DNAAF9: variants seen among roughly 807,000 people sequenced by gnomAD.
The protein encoded by DNAAF9 is dynein axonemal assembly factor 9.
DNAAF9 carries 90 observed loss-of-function variants against 167.0 expected under a neutral mutation model. The ratio of observed to expected loss-of-function variants is 0.54; its 90% CI spans 0.45 to 0.64. The LOEUF is 0.64. Ranked by LOEUF, DNAAF9 falls within the 30% of genes least tolerant of loss-of-function variation. The pLI, the probability that DNAAF9 is intolerant of heterozygous loss-of-function variation, is 0.00. For synonymous variants in DNAAF9, 491 were observed against 508.8 expected, an observed-to-expected ratio of 0.96 and a Z score of 0.47; for missense variants, 1,315 against 1,442.2, an observed-to-expected ratio of 0.91 and a Z score of 1.43.
At chr20:3,347,394 A>G (rs1290024854) in intron 8 of DNAAF9, among the ~76,000 whole-genome samples, 1 of 152,210 alleles carries the variant, frequency 6.6e-6, no homozygotes, top group African/African-American at 2.4e-5. Flanking sequence ...ACAAAAAAAT[A>G]TTAAAGACCA....
intron 1 of DNAAF9, among the ~76,000 whole-genome samples, chr20:3,394,076 G>A (rs986490393): frequency 4.6e-5 from 7 of 152,108 alleles, no homozygotes; most frequent in African/African-American, 1.4e-4. Flanking sequence ...AGTGGCTCCC[G>A]CCTGTAAACC....
chr20:3,270,692 C>T lies in DNAAF9; in HGVS notation c.2651-130G>A, dbSNP rs77550923. ...AGTCTCCTGATGGAGACAACCCTTA[C>T]ACCCCAATACCAACATAAACAGCTA... On this transcript the variant is annotated intron_variant, in intron 29 of 36. Coordinates refer to ENST00000252032, the MANE Select transcript of DNAAF9 (RefSeq NM_001009984.3). The T allele has an allele frequency of 6.1e-4, 419 of 685,748 alleles. 7 individuals carry two copies. In the East Asian group the frequency reaches 9.3e-3, roughly 15 times the overall value. 42.5% of individuals were successfully genotyped at this position (685,748 alleles called of 1,614,324 possible). A position where few individuals can be genotyped will look rare whatever the true frequency, so the allele number is the denominator to read the frequency against.
intron 6 of DNAAF9, among the ~76,000 whole-genome samples, chr20:3,363,264 A>C (rs1376853078): frequency 1.3e-5 from 2 of 149,742 alleles, no homozygotes; most frequent in African/African-American, 4.9e-5. Flanking sequence ...AATGCAAAGC[A>C]AACTTTTTTG....
chr20:3,255,073 G>A (rs984106064), intron 35 of DNAAF9, 146 bp downstream of exon 35: 6 of 589,852 alleles, frequency 1.0e-5, no homozygotes, highest in African/African-American at 7.4e-5. Context: ...AATTCTGTAC[G>A]CAGCTTCCCT....
chr20:3,297,949 C>A, intron 22 of DNAAF9, 80 bp downstream of exon 22: 1 of 1,143,694 alleles, frequency 8.7e-7, no homozygotes, highest in Non-Finnish European at 1.3e-6. Context: ...ACTGTTAGCC[C>A]CAAAATGATG....
chr20:3,292,877 G>C (rs1255589228), intron 25 of DNAAF9, among the ~76,000 whole-genome samples: 4 of 152,032 alleles, frequency 2.6e-5, no homozygotes, highest in Non-Finnish European at 5.9e-5. Flanking sequence ...ACCAGGTCAG[G>C]AGCTTGAGAC....
chr20:3,260,296 G>A (rs1396448138), intron 31 of DNAAF9, among the ~76,000 whole-genome samples: 2 of 152,146 alleles, frequency 1.3e-5, no homozygotes, highest in Non-Finnish European at 1.5e-5. Context: ...GCGAGATTGC[G>A]CCACTGCAGT....
At chr20:3,350,119 T>C (rs547991043) in intron 7 of DNAAF9, among the ~76,000 whole-genome samples, 1 of 144,186 alleles carries the variant, frequency 6.9e-6, no homozygotes, top group Non-Finnish European at 1.5e-5. Flanking sequence ...CTGCCCAGAC[T>C]ATCAGACACA....
intron 13 of DNAAF9, among the ~76,000 whole-genome samples, chr20:3,325,607 T>C (rs2069696307): frequency 6.6e-6 from 1 of 152,072 alleles, no homozygotes; most frequent in Non-Finnish European, 1.5e-5. Flanking sequence ...AATGGCTTCC[T>C]TCAGAAAAGG....
intron 1 of DNAAF9, among the ~76,000 whole-genome samples, chr20:3,400,693 C>A (rs1254876142): frequency 6.6e-6 from 1 of 152,072 alleles, no homozygotes. Context: ...ACTTAAAGGG[C>A]ATTTGTGTCT....
Position 3,281,899 on chromosome 20 carries a change from T to G in DNAAF9, c.2487-133A>C, listed in dbSNP as rs1352393123. 5 of 762,374 alleles carry G rather than the reference T, an allele frequency of 6.6e-6. No individual in the cohort carries two copies. In the East Asian group the frequency reaches 1.4e-4, roughly 22 times the overall value. The allele number at this position is 762,374 out of a possible 1,614,324, so 47.2% of individuals were successfully genotyped here. A position where few individuals can be genotyped will look rare whatever the true frequency, so the allele number is the denominator to read the frequency against. ...AGGAAGAGCCCGCAATCTGGTCCCT[T>G]GGTGTCACTCCACTTCATGACATGC... On this transcript the variant is annotated intron_variant, in intron 27 of 36. Transcript: ENST00000252032.
chr20:3,332,711 G>A (rs1033850711), intron 10 of DNAAF9, among the ~76,000 whole-genome samples: 4 of 151,562 alleles, frequency 2.6e-5, no homozygotes, highest in African/African-American at 9.7e-5. Flanking sequence ...TTATCTGCTC[G>A]CCTTGGCCTC....
At chr20:3,347,934 CG>C (rs1456867096) in intron 8 of DNAAF9, among the ~76,000 whole-genome samples, 13 of 151,870 alleles carry the variant, frequency 8.6e-5, no homozygotes, top group Admixed American at 5.3e-4. Flanking sequence ...AGGTAAAATG[CG>C]TAACAACAAA....
At position 3,298,034 on chromosome 20, in the gene DNAAF9, A is replaced by G. The variant is rs2069113253; in HGVS notation, c.1924T>C (p.Ser642Pro). The change falls in exon 22 of 37, where the codon TCA becomes CCA. Residue 642 changes from serine (S) to proline (P), a missense_variant. Coordinates refer to ENST00000252032, the MANE Select transcript of DNAAF9 (RefSeq NM_001009984.3). ...TGAATAATGACTGATATTACCTCTG[A>G]GTAAAATGCTTGGTATATCTTCGAT... is the stretch of plus-strand genomic sequence containing the variant. ...PKSKIYQAFY[S>P]EVFSLWKQQD... 1 of 1,612,524 alleles carries G rather than the reference A, an allele frequency of 6.2e-7. No homozygotes were observed. Among genetic ancestry groups the G allele is most frequent in the Non-Finnish European group, 8.5e-7 (1 of 1,178,554 alleles).
chr20:3,262,621 C>G (rs925293023), intron 31 of DNAAF9, among the ~76,000 whole-genome samples: 11 of 152,068 alleles, frequency 7.2e-5, no homozygotes, highest in Non-Finnish European at 1.3e-4. Context: ...GGTGTCTGGG[C>G]CCTGAGCTAG....
At chr20:3,264,082 G>T (rs1331106023) in intron 31 of DNAAF9, among the ~76,000 whole-genome samples, 1 of 151,404 alleles carries the variant, frequency 6.6e-6, no homozygotes, top group African/African-American at 2.4e-5. Flanking sequence ...ACTGACTGAC[G>T]GTATTGTCAG....
At chr20:3,359,239 A>T (rs571338907) in intron 7 of DNAAF9, among the ~76,000 whole-genome samples, 112 of 152,224 alleles carry the variant, frequency 7.4e-4, no homozygotes, top group Non-Finnish European at 1.2e-3. Flanking sequence ...AACAGAAAGA[A>T]TGCCTTTAGA....
At chr20:3,365,088 A>G (rs1476469429) in intron 6 of DNAAF9, among the ~76,000 whole-genome samples, 1 of 151,982 alleles carries the variant, frequency 6.6e-6, no homozygotes, top group East Asian at 1.9e-4. Context: ...CTCCTGCCTC[A>G]GCCTCCAGAG....
chr20:3,322,040 G>A (rs989640257), intron 16 of DNAAF9, among the ~76,000 whole-genome samples, 177 bp downstream of exon 16: 1 of 152,150 alleles, frequency 6.6e-6, no homozygotes, highest in African/African-American at 2.4e-5. Flanking sequence ...ACAGCTACCT[G>A]GGTACCTTCA....
Sources: allele counts gnomAD v4.1 joint callset (sites outside exome capture counted in the v4.1 genomes callset), GRCh38; gene constraint gnomAD v4.1.1; transcripts MANE v1.5; gene names NCBI Gene and HGNC (gene_info 2026-07-23, HGNC 2026-07-21).